The following RTL4 variants were observed in gnomAD, a reference collection of about 807,000 sequenced individuals.
The protein encoded by RTL4 is retrotransposon Gag like 4, also known as retrotransposon Gag-like protein 4.
RTL4 carries 4 observed loss-of-function variants against 5.3 expected under a neutral mutation model. That is an observed-to-expected ratio of 0.75 (90% CI 0.37 to 1.72). RTL4 has a LOEUF of 1.72. Ranked by LOEUF, RTL4 falls within the 40% of genes most tolerant of loss-of-function variation. The pLI, the probability that RTL4 is intolerant of heterozygous loss-of-function variation, is 0.04. For missense variants in RTL4, 260 were observed against 227.1 expected (o/e 1.14, Z -0.93); for synonymous variants, 98 against 87.3 (o/e 1.12, Z -0.68).
At chrX:112,254,476 C>G in the RTL4 span, among the ~76,000 whole-genome samples, 1 of 110,340 alleles carries the variant, frequency 9.1e-6, no homozygotes, top group African/African-American at 3.3e-5. Flanking sequence ...ACTACAAGCA[C>G]ACGCCACTAC....
At chrX:112,322,588 T>C in the RTL4 span, among the ~76,000 whole-genome samples, 1 of 111,320 alleles carries the variant, frequency 9.0e-6, no homozygotes, top group Admixed American at 9.6e-5. Flanking sequence ...TCTAATTTTA[T>C]GTAAGTGTGA....
the RTL4 span, among the ~76,000 whole-genome samples, chrX:112,297,784 T>C: frequency 8.9e-6 from 1 of 111,820 alleles, no homozygotes; most frequent in Non-Finnish European, 1.9e-5. Flanking sequence ...TGTTCACTTA[T>C]ACTAGATTTT....
chrX:112,130,645 A>G, the RTL4 span, among the ~76,000 whole-genome samples: 1 of 111,339 alleles, frequency 9.0e-6, no homozygotes, highest in Non-Finnish European at 1.9e-5. Context: ...GTCAAACTAA[A>G]TGGGAGTATG....
the RTL4 span, among the ~76,000 whole-genome samples, chrX:112,328,559 G>A: frequency 4.5e-5 from 5 of 111,142 alleles, no homozygotes; most frequent in Admixed American, 3.8e-4. Context: ...ATTAATAATG[G>A]GAGACTTTAA....
the RTL4 span, among the ~76,000 whole-genome samples, chrX:112,311,004 C>A: frequency 9.5e-6 from 1 of 105,166 alleles, no homozygotes; most frequent in African/African-American, 3.4e-5. Flanking sequence ...TTTTTTCATT[C>A]TCTTCTGCAA....
the RTL4 span, among the ~76,000 whole-genome samples, chrX:112,387,222 G>T: frequency 9.1e-6 from 1 of 109,827 alleles, no homozygotes; most frequent in Non-Finnish European, 1.9e-5. Context: ...TGAGTTCGTT[G>T]TAGATTCTGG....
the RTL4 span, among the ~76,000 whole-genome samples, chrX:112,398,717 A>G: frequency 9.0e-6 from 1 of 111,722 alleles, no homozygotes; most frequent in African/African-American, 3.2e-5. Context: ...CAGATTTTCT[A>G]AAATGTTGTT....
At chrX:112,269,798 C>T in the RTL4 span, among the ~76,000 whole-genome samples, 1 of 111,835 alleles carries the variant, frequency 8.9e-6, no homozygotes, top group Non-Finnish European at 1.9e-5. Context: ...TTTTTCAAAT[C>T]AAGTGCACTG....
the RTL4 span, among the ~76,000 whole-genome samples, chrX:112,416,502 A>G: frequency 1.8e-5 from 2 of 112,140 alleles, no homozygotes; most frequent in East Asian, 5.6e-4. Context: ...TTGCTAGGAG[A>G]ATGCAGTGGT....
the RTL4 span, among the ~76,000 whole-genome samples, chrX:112,097,133 T>C: frequency 8.9e-6 from 1 of 111,843 alleles, no homozygotes; most frequent in Non-Finnish European, 1.9e-5. Context: ...TTCATTCACA[T>C]ATCCATTTGA....
chrX:112,133,572 A>G, the RTL4 span, among the ~76,000 whole-genome samples: 1 of 111,586 alleles, frequency 9.0e-6, no homozygotes, highest in South Asian at 3.8e-4. Flanking sequence ...TGATCAAGAG[A>G]GCAACACACT....
the RTL4 span, among the ~76,000 whole-genome samples, chrX:112,278,481 A>G: frequency 8.9e-6 from 1 of 112,011 alleles, no homozygotes; most frequent in East Asian, 2.8e-4. Context: ...CTTTGTATTT[A>G]GGATAACCAT....
At chrX:112,320,461 T>C in the RTL4 span, 1 of 111,378 alleles carries the variant, frequency 9.0e-6, no homozygotes, top group Non-Finnish European at 1.9e-5. Flanking sequence ...GAAGGATCTC[T>C]GAGCCTGACA....
At chrX:112,318,541 A>C in the RTL4 span, among the ~76,000 whole-genome samples, 1 of 112,172 alleles carries the variant, frequency 8.9e-6, no homozygotes, top group African/African-American at 3.2e-5. Flanking sequence ...GATAAGTAAA[A>C]CAAAACATGT....
At chrX:112,371,884 C>T in the RTL4 span, among the ~76,000 whole-genome samples, 1 of 111,657 alleles carries the variant, frequency 9.0e-6, no homozygotes. Flanking sequence ...TAAGCTTCTT[C>T]AATTTTGTCT....
the RTL4 span, among the ~76,000 whole-genome samples, chrX:112,269,717 T>A: frequency 8.9e-6 from 1 of 112,088 alleles, no homozygotes; most frequent in Non-Finnish European, 1.9e-5. Flanking sequence ...CAGATACAGA[T>A]GTAAAATGTA....
chrX:112,217,988 TGAG>T, the RTL4 span, among the ~76,000 whole-genome samples: 2 of 112,009 alleles, frequency 1.8e-5, no homozygotes, highest in Non-Finnish European at 3.8e-5. Context: ...CAAATCTTAT[TGAG>T]AGTTAGTTGA....
the RTL4 span, among the ~76,000 whole-genome samples, chrX:112,352,197 C>G: frequency 9.0e-6 from 1 of 111,175 alleles, no homozygotes; most frequent in Non-Finnish European, 1.9e-5. Flanking sequence ...ATATTGGCCC[C>G]CACTCTCTTC....
chrX:112,441,553 G>A, the RTL4 span, among the ~76,000 whole-genome samples: 1 of 111,674 alleles, frequency 9.0e-6, no homozygotes, highest in African/African-American at 3.3e-5. Flanking sequence ...TGGCAAGGGT[G>A]TATGATTATA....
Sources: allele counts gnomAD v4.1 joint callset (sites outside exome capture counted in the v4.1 genomes callset), GRCh38; gene constraint gnomAD v4.1.1; transcripts MANE v1.5; gene names NCBI Gene and HGNC (gene_info 2026-07-23, HGNC 2026-07-21).